Variants in SNTG1 observed in about 807,000 individuals in gnomAD.
SNTG1 encodes gamma-1-syntrophin.
Under a neutral mutation model 74.7 loss-of-function variants are expected in SNTG1, and 39 were observed. The observed-to-expected ratio is 0.52, with a 90% CI of 0.40 to 0.68. The LOEUF (loss-of-function observed/expected upper bound fraction) is 0.68, where lower values mean the gene tolerates loss of function less well. Ranked by LOEUF, SNTG1 falls within the 30% of genes least tolerant of loss-of-function variation. SNTG1 has a pLI of 0.00. For synonymous variants in SNTG1, 254 were observed against 217.1 expected (o/e 1.17, Z -1.49); for missense variants, 685 against 609.5 (o/e 1.12, Z -1.30).
intron 1 of SNTG1, among the ~76,000 whole-genome samples, chr8:49,927,698 G>A (rs1169664259): frequency 2.6e-5 from 4 of 152,034 alleles, no homozygotes; most frequent in Non-Finnish European, 5.9e-5. Flanking sequence ...GGGATAAGTA[G>A]GCAGAGCATA....
At chr8:50,024,754 A>T (rs1009262177) in intron 1 of SNTG1, among the ~76,000 whole-genome samples, 5 of 152,146 alleles carry the variant, frequency 3.3e-5, no homozygotes, top group African/African-American at 1.2e-4. Flanking sequence ...GAGATATTTT[A>T]TTGTACCGTA....
intron 1 of SNTG1, among the ~76,000 whole-genome samples, chr8:49,974,480 T>C (rs763589448): frequency 6.6e-6 from 1 of 152,218 alleles, no homozygotes; most frequent in Admixed American, 6.5e-5. Context: ...TCTTCAGGTC[T>C]TTCACTTCAA....
chr8:50,034,705 C>G lies in SNTG1; in HGVS notation c.-103+122474C>G, dbSNP rs140435196. 1.2e-4 allele frequency among the ~76,000 whole-genome samples: 19 copies of G among 152,226 alleles called. No homozygotes were observed. In the East Asian group the frequency reaches 3.3e-3, roughly 26 times the overall value. On this transcript the variant is annotated intron_variant, in intron 1 of 18. Coordinates refer to ENST00000642720, the MANE Select transcript of SNTG1 (RefSeq NM_018967.5). ...ACATAAAATACACTAACACTAATGA[C>G]AGCTGATGAGCTAAAGAAAAAAATC...
intron 2 of SNTG1, among the ~76,000 whole-genome samples, chr8:50,185,537 T>C (rs2083348479): frequency 6.6e-6 from 1 of 152,204 alleles, no homozygotes; most frequent in South Asian, 2.1e-4. Context: ...GACAGTTTCT[T>C]AAACTCTCTG....
intron 8 of SNTG1, among the ~76,000 whole-genome samples, chr8:50,482,756 A>G (rs1383816): frequency 0.023 from 3,508 of 152,234 alleles, 125 homozygotes; most frequent in African/African-American, 0.077. Context: ...GGGGGCTAAT[A>G]CTTTGGCTCC....
intron 4 of SNTG1, among the ~76,000 whole-genome samples, chr8:50,410,836 G>A (rs1423449354): frequency 6.6e-6 from 1 of 152,088 alleles, no homozygotes; most frequent in Non-Finnish European, 1.5e-5. Flanking sequence ...ACAAACGGAA[G>A]GGTTCCCTTC....
intron 2 of SNTG1, among the ~76,000 whole-genome samples, chr8:50,344,262 T>C (rs182245301): frequency 4.3e-4 from 65 of 152,330 alleles, no homozygotes; most frequent in Admixed American, 4.0e-3. Context: ...AAAATGGCTT[T>C]GTTAAAAATT....
intron 17 of SNTG1, among the ~76,000 whole-genome samples, chr8:50,709,396 A>G (rs570366570): frequency 1.1e-4 from 17 of 152,318 alleles, no homozygotes; most frequent in Middle Eastern, 3.4e-3. Context: ...AAAAAAAATT[A>G]TAGCTGACAT....
In SNTG1 at chr8:49,931,902, G is replaced by T. The variant is rs564007490; in HGVS notation, c.-103+19671G>T. 3.5e-4 allele frequency among the ~76,000 whole-genome samples: 54 copies of T among 152,200 alleles called. 2 individuals carry two copies. Among genetic ancestry groups the T allele is most frequent in the Admixed American group, 1.0e-3 (16 of 15,278 alleles). On this transcript the variant is annotated intron_variant, in intron 1 of 18. Coordinates refer to ENST00000642720, the MANE Select transcript of SNTG1 (RefSeq NM_018967.5). ...CATGGTTGGAATAAGATGGCTTCTG[G>T]CTGAATGAGGGAGGTTATGAGATTC...
At chr8:50,121,972 G>A (rs2081010702) in intron 1 of SNTG1, among the ~76,000 whole-genome samples, 2 of 142,054 alleles carry the variant, frequency 1.4e-5, no homozygotes, top group South Asian at 2.6e-4. Flanking sequence ...GCATTTTGGT[G>A]GTAAAAATTC....
chr8:50,093,238 A>G (rs2079805268), intron 1 of SNTG1, among the ~76,000 whole-genome samples: 1 of 152,126 alleles, frequency 6.6e-6, no homozygotes, highest in Admixed American at 6.6e-5. Flanking sequence ...AAAACTCAGT[A>G]AGTTTAATAT....
intron 1 of SNTG1, among the ~76,000 whole-genome samples, chr8:49,930,232 A>G (rs1489835795): frequency 6.9e-6 from 1 of 145,814 alleles, no homozygotes; most frequent in Non-Finnish European, 1.5e-5. Context: ...GAAAGACAAT[A>G]CATAAAATAG....
chr8:50,502,719 G>C lies in SNTG1; in HGVS notation c.364-59G>C, dbSNP rs1585486611. 3.7e-6 allele frequency: 5 copies of C among 1,361,626 alleles called. No homozygotes were observed. The East Asian group carries it at 1.2e-4, about 32-fold the overall frequency. 84.3% of individuals were successfully genotyped at this position (1,361,626 alleles called of 1,614,324 possible). On this transcript the variant is annotated intron_variant, in intron 8 of 18. Coordinates refer to ENST00000642720, the MANE Select transcript of SNTG1 (RefSeq NM_018967.5). ...AAACAACCAATAATTTCAAGGCTTT[G>C]CCATCATATAACATGATAAATGTAA...
intron 2 of SNTG1, among the ~76,000 whole-genome samples, chr8:50,379,589 G>C (rs1483338567): frequency 6.6e-6 from 1 of 152,192 alleles, no homozygotes; most frequent in African/African-American, 2.4e-5. Flanking sequence ...GGAGCATGCA[G>C]CCATGGCTGC....
chr8:50,564,478 C>G (rs2094505164), intron 12 of SNTG1, among the ~76,000 whole-genome samples: 1 of 152,014 alleles, frequency 6.6e-6, no homozygotes, highest in African/African-American at 2.4e-5. Context: ...AGTTATTTTG[C>G]ATTTAAACTC....
chr8:50,521,595 A>G (rs948137213), intron 9 of SNTG1, among the ~76,000 whole-genome samples: 21 of 151,714 alleles, frequency 1.4e-4, no homozygotes, highest in African/African-American at 5.1e-4. Context: ...ACATTCATTA[A>G]CTCTTCCTTT....
intron 17 of SNTG1, among the ~76,000 whole-genome samples, chr8:50,729,017 C>A (rs1042167230): frequency 3.3e-5 from 5 of 152,194 alleles, no homozygotes; most frequent in Admixed American, 6.5e-5. Context: ...ATTTAGCTTG[C>A]ATGCTGAGCC....
chr8:50,737,713 G>C (rs2131645418), intron 17 of SNTG1, among the ~76,000 whole-genome samples: 1 of 152,228 alleles, frequency 6.6e-6, no homozygotes, highest in South Asian at 2.1e-4. Context: ...TGTCCACCAT[G>C]ATCACGTCGG....
chr8:50,676,875 G>A (rs910726137), intron 15 of SNTG1, among the ~76,000 whole-genome samples: 1 of 151,748 alleles, frequency 6.6e-6, no homozygotes, highest in African/African-American at 2.4e-5. Context: ...GGTCAAATAA[G>A]TATTTATCAG....
Sources: gnomAD v4.1 joint callset for allele counts (sites outside exome capture counted in the v4.1 genomes callset) on GRCh38, gnomAD v4.1.1 for gene constraint, MANE v1.5 for transcripts, NCBI Gene and HGNC (gene_info 2026-07-23, HGNC 2026-07-21) for gene names.